Variants in MALRD1 observed in about 807,000 individuals in gnomAD.
MALRD1 encodes the protein MAM and LDL receptor class A domain containing 1, also known as MAM and LDL-receptor class A domain-containing protein 1.
Under a neutral mutation model 242.1 loss-of-function variants are expected in MALRD1, and 247 were observed. That is an observed-to-expected ratio of 1.02 (90% CI 0.92 to 1.13). The LOEUF is 1.13. Among genes scored for constraint, MALRD1 ranks in the 50% most tolerant of loss-of-function variants. MALRD1 has a pLI of 0.00. For missense variants in MALRD1, 2,989 were observed against 2,533.1 expected (o/e 1.18, Z -3.86); for synonymous variants, 995 against 866.6 (o/e 1.15, Z -2.60).
chr10:19,183,331 G>A (rs988279272), intron 14 of MALRD1, among the ~76,000 whole-genome samples: 5 of 151,610 alleles, frequency 3.3e-5, no homozygotes, highest in Non-Finnish European at 5.9e-5. Flanking sequence ...AGGTTTGAAG[G>A]AAGCATGCAA....
chr10:19,200,660 T>TGTTTTG (rs1836486430), intron 14 of MALRD1, among the ~76,000 whole-genome samples: 1 of 147,106 alleles, frequency 6.8e-6, no homozygotes, highest in African/African-American at 2.5e-5. Context: ...TTTTTTTTTT[T>TGTTTTG]TTTTTTTTTT....
chr10:19,634,934 C>G (rs115308090), intron 36 of MALRD1, among the ~76,000 whole-genome samples: 441 of 152,236 alleles, frequency 2.9e-3, no homozygotes, highest in African/African-American at 9.9e-3. Flanking sequence ...ACTGGATGTG[C>G]AAGCAACATC....
At chr10:19,338,470 T>TA (rs762086829) in intron 24 of MALRD1, among the ~76,000 whole-genome samples, 1 of 152,120 alleles carries the variant, frequency 6.6e-6, no homozygotes, top group African/African-American at 2.4e-5. Flanking sequence ...ATGGATGTGA[T>TA]AGCTCAATTA....
chr10:19,082,686 A>G (rs912049216), intron 2 of MALRD1, among the ~76,000 whole-genome samples: 2 of 151,824 alleles, frequency 1.3e-5, no homozygotes, highest in Non-Finnish European at 2.9e-5. Flanking sequence ...TTAAAACAAT[A>G]TACTCTTGGA....
intron 29 of MALRD1, chr10:19,488,503 TAGAG>T (rs1222178213): frequency 6.5e-6 from 1 of 153,096 alleles, no homozygotes; most frequent in African/African-American, 2.4e-5. Flanking sequence ...AAGACAAAAG[TAGAG>T]AGAGAGAAGT....
At chr10:19,567,180 A>G (rs1836292025) in intron 32 of MALRD1, among the ~76,000 whole-genome samples, 1 of 152,194 alleles carries the variant, frequency 6.6e-6, no homozygotes, top group African/African-American at 2.4e-5. Flanking sequence ...TAACATAGAC[A>G]AAGTTCTTTA....
chr10:19,133,370 A>G (rs1336444493), intron 8 of MALRD1, among the ~76,000 whole-genome samples: 2 of 152,196 alleles, frequency 1.3e-5, no homozygotes, highest in East Asian at 3.8e-4. Context: ...TGGAATTTGG[A>G]CCAAATGTTT....
intron 21 of MALRD1, among the ~76,000 whole-genome samples, chr10:19,312,400 A>ATATATATATGTGTG (rs1491220851): frequency 5.6e-5 from 8 of 143,594 alleles, no homozygotes; most frequent in Non-Finnish European, 1.2e-4. Context: ...ATATATATAT[A>ATATATATATGTGTG]TGTGTATATG....
chr10:19,327,914 A>C (rs1193564374), intron 23 of MALRD1, among the ~76,000 whole-genome samples: 3 of 152,092 alleles, frequency 2.0e-5, no homozygotes, highest in African/African-American at 7.2e-5. Context: ...TTTGAATAAA[A>C]ACCCTCCTTC....
At chr10:19,468,289 C>T (rs1836324275) in intron 29 of MALRD1, among the ~76,000 whole-genome samples, 1 of 152,052 alleles carries the variant, frequency 6.6e-6, no homozygotes, top group Admixed American at 6.6e-5. Flanking sequence ...CTGGGTGATG[C>T]TTTTATTTTC....
intron 34 of MALRD1, among the ~76,000 whole-genome samples, chr10:19,598,056 C>G (rs955561406): frequency 2.0e-5 from 3 of 152,116 alleles, no homozygotes; most frequent in Non-Finnish European, 4.4e-5. Context: ...ACCCTGCCAC[C>G]ATGCCAGTGC....
intron 34 of MALRD1, among the ~76,000 whole-genome samples, chr10:19,597,240 A>G (rs1564471778): frequency 6.6e-6 from 1 of 152,212 alleles, no homozygotes; most frequent in Non-Finnish European, 1.5e-5. Context: ...TTCCCATCAG[A>G]GCTCTAATGT....
At chr10:19,531,668 A>G (rs1473250155) in intron 32 of MALRD1, among the ~76,000 whole-genome samples, 1 of 152,220 alleles carries the variant, frequency 6.6e-6, no homozygotes, top group Non-Finnish European at 1.5e-5. Context: ...TAGGGACAGT[A>G]AAGAAATGTG....
intron 1 of MALRD1, among the ~76,000 whole-genome samples, chr10:19,054,750 A>C (rs1275878589): frequency 1.3e-5 from 2 of 152,058 alleles, no homozygotes; most frequent in Non-Finnish European, 2.9e-5. Flanking sequence ...TCTTTTTATG[A>C]CTGATAGTGT....
intron 2 of MALRD1, among the ~76,000 whole-genome samples, chr10:19,069,578 G>A (rs1334201223): frequency 6.6e-6 from 1 of 151,810 alleles, no homozygotes; most frequent in Non-Finnish European, 1.5e-5. Flanking sequence ...GTGCAGTTCT[G>A]CTGGTGATAA....
intron 33 of MALRD1, among the ~76,000 whole-genome samples, chr10:19,578,799 T>C (rs567073202): frequency 6.6e-6 from 1 of 152,180 alleles, no homozygotes; most frequent in South Asian, 2.1e-4. Context: ...CTTCCTCTTC[T>C]GATGGTAATG....
chr10:19,655,023 T>C (rs1841076668), intron 36 of MALRD1, among the ~76,000 whole-genome samples: 1 of 152,294 alleles, frequency 6.6e-6, no homozygotes, highest in Middle Eastern at 3.4e-3. Context: ...ATATGCATTT[T>C]AGAAACAAAC....
intron 30 of MALRD1, among the ~76,000 whole-genome samples, chr10:19,496,206 C>T (rs1795076737): frequency 6.6e-6 from 1 of 152,172 alleles, no homozygotes; most frequent in African/African-American, 2.4e-5. Context: ...GAACTCAACA[C>T]TTGACCAATG....
At chr10:19,363,932 T>C (rs1025785800) in intron 26 of MALRD1, among the ~76,000 whole-genome samples, 1 of 152,102 alleles carries the variant, frequency 6.6e-6, no homozygotes, top group Admixed American at 6.6e-5. Context: ...GTGGAAAATA[T>C]TGCATTGCAT....
Sources: gnomAD v4.1 joint callset for allele counts (sites outside exome capture counted in the v4.1 genomes callset) on GRCh38, gnomAD v4.1.1 for gene constraint, MANE v1.5 for transcripts, NCBI Gene and HGNC (gene_info 2026-07-23, HGNC 2026-07-21) for gene names.